The following RINT1 variants were observed in gnomAD, a reference collection of about 807,000 sequenced individuals.
RINT1 encodes the protein RAD50-interacting protein 1.
A neutral mutation model predicts 97.7 loss-of-function variants in RINT1; 75 were observed. The observed-to-expected ratio is 0.77, with a 90% CI of 0.64 to 0.93. The LOEUF is 0.93. Ranked by LOEUF, RINT1 falls within the 40% of genes least tolerant of loss-of-function variation. The probability of loss-of-function intolerance (pLI) is 0.00; values close to 1 mark genes in which losing one functional copy is unlikely to be tolerated. For missense variants in RINT1, 892 were observed against 925.2 expected, an observed-to-expected ratio of 0.96 and a Z score of 0.47; for synonymous variants, 303 against 326.3, an observed-to-expected ratio of 0.93 and a Z score of 0.77.
chr7:105,555,160 G>A lies in RINT1; in HGVS notation c.1604G>A (p.Arg535Gln), dbSNP rs753924429. The change falls in exon 11 of 15, where the codon CGA becomes CAA. Residue 535 changes from arginine (R) to glutamine (Q), a missense_variant. Coordinates refer to ENST00000257700, the MANE Select transcript of RINT1 (RefSeq NM_021930.6). ...KEETRASLGF[R>Q]YCAILNAVNY... Reference sequence around the variant, plus strand: ...GAGACTAGAGCTTCCCTTGGCTTTCGATACTGTGCAATTCTTAATGCTGTG... The same window carrying A: ...GAGACTAGAGCTTCCCTTGGCTTTCAATACTGTGCAATTCTTAATGCTGTG... The A allele has an allele frequency of 9.3e-6, 15 of 1,614,042 alleles. No individual in the cohort carries two copies. The highest frequency in any genetic ancestry group is 2.2e-5 in the East Asian group (1 of 44,852).
chr7:105,539,342 C>T (rs1416524389), intron 3 of RINT1, among the ~76,000 whole-genome samples: 2 of 150,530 alleles, frequency 1.3e-5, no homozygotes, highest in Non-Finnish European at 3.0e-5. Flanking sequence ...GTATCCATCC[C>T]ATCTTTCCCA....
chr7:105,555,782 A>G (rs545506117), intron 11 of RINT1, among the ~76,000 whole-genome samples: 255 of 152,144 alleles, frequency 1.7e-3, no homozygotes, highest in Middle Eastern at 3.4e-3. Context: ...GGAGTTGGAG[A>G]CCAACCTGGG....
Position 105,554,143 on chromosome 7 carries a change from C to G in RINT1, c.1472-885C>G, listed in dbSNP as rs1292245987. ...TTGATCTTCTGACCTCGTGATCCAC[C>G]CGCCTCAGCCTCCCAAAGTGCTGGG... On this transcript the variant is annotated intron_variant, in intron 10 of 14. Transcript: ENST00000257700. Among the ~76,000 whole-genome samples, 13 of 152,056 alleles carry G rather than the reference C, an allele frequency of 8.5e-5. No homozygotes were observed. In the East Asian group the frequency reaches 2.3e-3, roughly 27 times the overall value.
intron 11 of RINT1, among the ~76,000 whole-genome samples, chr7:105,560,492 CAA>C (rs1326579724): frequency 1.3e-5 from 2 of 151,920 alleles, no homozygotes; most frequent in Non-Finnish European, 2.9e-5. Flanking sequence ...TGGGGAGAGA[CAA>C]AGAGAGATGA....
intron 2 of RINT1, among the ~76,000 whole-genome samples, chr7:105,534,754 G>C (rs1415351901): frequency 6.6e-6 from 1 of 151,908 alleles, no homozygotes; most frequent in Non-Finnish European, 1.5e-5. Context: ...TGTATAGCTT[G>C]GGTTCTGGAT....
intron 11 of RINT1, among the ~76,000 whole-genome samples, chr7:105,555,892 AG>A (rs1326732471): frequency 6.6e-6 from 1 of 152,154 alleles, no homozygotes; most frequent in Non-Finnish European, 1.5e-5. Flanking sequence ...TGGGAGGCTG[AG>A]GTGGGAGGAT....
intron 11 of RINT1, among the ~76,000 whole-genome samples, chr7:105,556,553 G>GA (rs1029342732): frequency 6.6e-6 from 1 of 151,838 alleles, no homozygotes; most frequent in African/African-American, 2.4e-5. Context: ...GATTGTATCT[G>GA]AAAAAATTAA....
chr7:105,557,329 AGATT>A (rs1198535716), intron 11 of RINT1, among the ~76,000 whole-genome samples: 1 of 152,184 alleles, frequency 6.6e-6, no homozygotes, highest in East Asian at 1.9e-4. Flanking sequence ...TTAAACAATT[AGATT>A]GATTAACTGA....
chr7:105,546,849 TG>T, intron 4 of RINT1, 60 bp from the exon 5 acceptor site: 1 of 1,294,484 alleles, frequency 7.7e-7, no homozygotes, highest in Non-Finnish European at 1.1e-6. Flanking sequence ...CACTCCAACC[TG>T]GGCAACAGAG....
chr7:105,558,315 T>G (rs1335805006), intron 11 of RINT1, among the ~76,000 whole-genome samples: 1 of 146,240 alleles, frequency 6.8e-6, no homozygotes, highest in Non-Finnish European at 1.5e-5. Context: ...AAAAATAAAG[T>G]CAGCTAATTA....
Position 105,536,614 on chromosome 7 carries a change from T to C in RINT1, c.138T>C (p.Gly46=), listed in dbSNP as rs994214064. The change falls in exon 3 of 15, where the codon GGT becomes GGC. Residue 46 remains glycine (G), a synonymous_variant. Coordinates refer to ENST00000257700, the MANE Select transcript of RINT1 (RefSeq NM_021930.6). ...VLIGSKQVSE[G]TDNGDLPSYV... ...TTGGAAGTAAACAAGTCAGTGAAGG[T>C]ACAGATAATGGTGATCTCCCTTCTT... The C allele has an allele frequency of 1.2e-6, 2 of 1,610,630 alleles. No homozygotes were observed. The highest frequency in any genetic ancestry group is 2.7e-5 in the African/African-American group (2 of 74,816).
intron 3 of RINT1, among the ~76,000 whole-genome samples, chr7:105,538,124 C>A (rs1254033685): frequency 1.3e-5 from 2 of 151,768 alleles, no homozygotes; most frequent in African/African-American, 4.8e-5. Context: ...TCCCGAGTAG[C>A]TGGGACTACA....
At chr7:105,557,166 A>G (rs188399304) in intron 11 of RINT1, among the ~76,000 whole-genome samples, 3 of 152,114 alleles carry the variant, frequency 2.0e-5, no homozygotes, top group Non-Finnish European at 4.4e-5. Flanking sequence ...GATAATGACT[A>G]TGAAAATTTT....
intron 11 of RINT1, chr7:105,555,431 TA>T (rs1248259515): frequency 4.9e-6 from 2 of 409,288 alleles, no homozygotes; most frequent in African/African-American, 4.0e-5. Flanking sequence ...TTAATGTATT[TA>T]ATCATTGGAA....
intron 11 of RINT1, among the ~76,000 whole-genome samples, chr7:105,560,133 G>A (rs989277262): frequency 6.6e-6 from 1 of 152,170 alleles, no homozygotes; most frequent in African/African-American, 2.4e-5. Flanking sequence ...GGCTCTGGAC[G>A]TGTGGCCACA....
At chr7:105,547,151 T>C (rs745751568) in intron 5 of RINT1, 33 bp from the exon 6 acceptor site, 1 of 1,613,968 alleles carries the variant, frequency 6.2e-7, no homozygotes. Flanking sequence ...TTTGGTGATG[T>C]ACTGAAATGT....
chr7:105,540,930 C>T (rs974151475), intron 3 of RINT1, among the ~76,000 whole-genome samples: 2 of 149,294 alleles, frequency 1.3e-5, no homozygotes, highest in African/African-American at 2.5e-5. Context: ...CTCTGCCTCC[C>T]GGGTTTAAGA....
intron 4 of RINT1, 81 bp from the exon 5 acceptor site, chr7:105,546,829 C>T (rs1464231595): frequency 7.2e-6 from 7 of 977,346 alleles, no homozygotes; most frequent in East Asian, 2.5e-5. Context: ...TGAGCCAAAT[C>T]ATGCCACTGC....
In RINT1 at chr7:105,533,055, G is replaced by A. The variant is rs187788796; in HGVS notation, c.88+186G>A. Among the ~76,000 whole-genome samples, 23 of 152,262 alleles carry A rather than the reference G, an allele frequency of 1.5e-4. No individual in the cohort carries two copies. The East Asian group carries it at 2.1e-3, about 14-fold the overall frequency. On this transcript the variant is annotated intron_variant, in intron 2 of 14. Transcript: ENST00000257700. ...TGTCTTTCTAAAATTGTAAAATATG[G>A]GATGCTTTGGAGAAGAGCACTTCCC...
Sources: gnomAD v4.1 joint callset for allele counts (sites outside exome capture counted in the v4.1 genomes callset) on GRCh38, gnomAD v4.1.1 for gene constraint, MANE v1.5 for transcripts, NCBI Gene and HGNC (gene_info 2026-07-23, HGNC 2026-07-21) for gene names.